PRELID2: variants seen among roughly 807,000 people sequenced by gnomAD.
PRELID2 encodes PRELI domain-containing protein 2.
Under a neutral mutation model 28.4 loss-of-function variants are expected in PRELID2, and 25 were observed. The observed-to-expected ratio is 0.88, with a 90% CI of 0.64 to 1.23. The LOEUF (loss-of-function observed/expected upper bound fraction) is 1.23, where lower values mean the gene tolerates loss of function less well. Ranked by LOEUF, PRELID2 falls within the 50% of genes most tolerant of loss-of-function variation. The pLI is 0.00. For missense variants in PRELID2, 201 were observed against 214.4 expected (o/e 0.94, Z 0.39); for synonymous variants, 76 against 71.6 (o/e 1.06, Z -0.31).
intron 1 of PRELID2, among the ~76,000 whole-genome samples, chr5:145,675,991 C>T (rs1418215859): frequency 1.3e-5 from 2 of 152,074 alleles, no homozygotes; most frequent in South Asian, 2.1e-4. Flanking sequence ...GAGGCCAAGG[C>T]GGTTGGATCA....
At chr5:145,655,795 C>T (rs945894792) in intron 1 of PRELID2, among the ~76,000 whole-genome samples, 3 of 152,144 alleles carry the variant, frequency 2.0e-5, no homozygotes, top group Admixed American at 1.3e-4. Context: ...ACCATAAAAA[C>T]CCTAGAAGAA....
the PRELID2 span, among the ~76,000 whole-genome samples, chr5:145,250,522 T>C: frequency 6.6e-6 from 1 of 152,096 alleles, no homozygotes; most frequent in Non-Finnish European, 1.5e-5. Context: ...ACTAGGAAGT[T>C]AAGAATATTG....
the PRELID2 span, among the ~76,000 whole-genome samples, chr5:145,357,328 T>A: frequency 6.6e-5 from 10 of 152,352 alleles, no homozygotes; most frequent in Non-Finnish European, 1.5e-4. Flanking sequence ...TCCTGAAATA[T>A]GTTTTCCAAT....
chr5:145,795,481 C>T (rs1226514531), intron 5 of PRELID2: 2 of 152,088 alleles, frequency 1.3e-5, no homozygotes, highest in African/African-American at 4.8e-5. Context: ...ATGAACACCT[C>T]CTAGTACAGG....
intron 1 of PRELID2, among the ~76,000 whole-genome samples, chr5:145,557,673 C>A (rs1464900527): frequency 1.3e-5 from 2 of 152,186 alleles, no homozygotes; most frequent in East Asian, 3.9e-4. Context: ...TGCCAGGTAA[C>A]TGTCTAAATG....
chr5:145,484,575 A>G (rs1752196499), intron 1 of PRELID2, among the ~76,000 whole-genome samples: 2 of 145,418 alleles, frequency 1.4e-5, no homozygotes, highest in Non-Finnish European at 3.1e-5. Context: ...GAAAGGAGAA[A>G]GCATTTCATT....
chr5:145,800,519 A>AGC (rs1340064447), intron 4 of PRELID2, among the ~76,000 whole-genome samples: 1 of 152,128 alleles, frequency 6.6e-6, no homozygotes, highest in Non-Finnish European at 1.5e-5. Context: ...GAGAAATGAA[A>AGC]AGTTGAGCAG....
At chr5:145,646,239 T>C (rs1009885086) in intron 1 of PRELID2, among the ~76,000 whole-genome samples, 1 of 152,200 alleles carries the variant, frequency 6.6e-6, no homozygotes, top group Non-Finnish European at 1.5e-5. Flanking sequence ...TCCTTTTCAT[T>C]GTTTTTTCTC....
At chr5:145,829,064 T>C (rs557423408) in intron 1 of PRELID2, among the ~76,000 whole-genome samples, 91 of 151,194 alleles carry the variant, frequency 6.0e-4, no homozygotes, top group Non-Finnish European at 9.0e-4. Context: ...TTGTTGGTGG[T>C]GGTGGTGGTG....
chr5:145,835,074 A>G lies in PRELID2; in HGVS notation c.75+103T>C, dbSNP rs1291841870. 4 of 767,992 alleles carry G rather than the reference A, an allele frequency of 5.2e-6. No homozygotes were observed. The African/African-American group carries it at 7.1e-5, about 14-fold the overall frequency. The allele number at this position is 767,992 out of a possible 1,614,324, so 47.6% of individuals were successfully genotyped here. A position where few individuals can be genotyped will look rare whatever the true frequency, so the allele number is the denominator to read the frequency against. On this transcript the variant is annotated intron_variant, in intron 1 of 6. Coordinates refer to ENST00000683046, the MANE Select transcript of PRELID2 (RefSeq NM_205846.3). ...TCCCTGAAGCAAAGCCCGCAGCTGG[A>G]AAGAGACACTGGCGGTGCCAGCTTC...
At chr5:145,676,731 G>A (rs927226198) in intron 1 of PRELID2, among the ~76,000 whole-genome samples, 1 of 152,160 alleles carries the variant, frequency 6.6e-6, no homozygotes, top group African/African-American at 2.4e-5. Context: ...ATGAAATAAT[G>A]TGGAAAACAA....
At chr5:145,820,389 T>G (rs1754695683) in intron 2 of PRELID2, among the ~76,000 whole-genome samples, 1 of 152,034 alleles carries the variant, frequency 6.6e-6, no homozygotes, top group South Asian at 2.1e-4. Context: ...GAATGCACAC[T>G]CCAATGTCAA....
chr5:145,647,356 G>T (rs777560312), intron 1 of PRELID2, among the ~76,000 whole-genome samples: 2 of 152,080 alleles, frequency 1.3e-5, no homozygotes, highest in Non-Finnish European at 2.9e-5. Flanking sequence ...AGCAATGGTC[G>T]ACGCACCTCC....
chr5:145,817,388 T>C (rs528323156), intron 4 of PRELID2, among the ~76,000 whole-genome samples: 1 of 123,510 alleles, frequency 8.1e-6, no homozygotes, highest in African/African-American at 2.8e-5. Flanking sequence ...AGTCACAGGA[T>C]TGAATTATAT....
chr5:145,664,517 G>A (rs1754551810), intron 1 of PRELID2, among the ~76,000 whole-genome samples: 2 of 152,108 alleles, frequency 1.3e-5, no homozygotes, highest in African/African-American at 4.8e-5. Context: ...TTATCTGACA[G>A]ATCTGAGGAA....
intron 1 of PRELID2, among the ~76,000 whole-genome samples, chr5:145,562,086 AT>A (rs1413801418): frequency 1.3e-5 from 2 of 152,326 alleles, no homozygotes; most frequent in Non-Finnish European, 1.5e-5. Context: ...ATTAGATCTC[AT>A]TTTTTTAAAG....
chr5:145,339,234 G>T, the PRELID2 span, among the ~76,000 whole-genome samples: 6 of 152,182 alleles, frequency 3.9e-5, no homozygotes, highest in African/African-American at 1.4e-4. Flanking sequence ...TTTTCTAAGA[G>T]AAAACAGTGA....
the PRELID2 span, among the ~76,000 whole-genome samples, chr5:145,421,938 G>T: frequency 6.6e-6 from 1 of 151,888 alleles, no homozygotes; most frequent in Non-Finnish European, 1.5e-5. Flanking sequence ...TTGTGTCTTT[G>T]TTCTCCTTCG....
At chr5:145,380,469 A>T in the PRELID2 span, among the ~76,000 whole-genome samples, 1 of 152,176 alleles carries the variant, frequency 6.6e-6, no homozygotes, top group East Asian at 1.9e-4. Flanking sequence ...TATTTTCTAA[A>T]TGCCCCCATG....
Sources: allele counts gnomAD v4.1 joint callset (sites outside exome capture counted in the v4.1 genomes callset), GRCh38; gene constraint gnomAD v4.1.1; transcripts MANE v1.5; gene names NCBI Gene and HGNC (gene_info 2026-07-23, HGNC 2026-07-21).